The following QPCT variants were observed in gnomAD, a reference collection of about 807,000 sequenced individuals.
The protein encoded by QPCT is glutaminyl-peptide cyclotransferase.
A neutral mutation model predicts 43.4 loss-of-function variants in QPCT; 44 were observed. The ratio of observed to expected loss-of-function variants is 1.01; its 90% CI spans 0.80 to 1.30. The LOEUF (loss-of-function observed/expected upper bound fraction) is 1.30, where lower values mean the gene tolerates loss of function less well. QPCT is among the 50% of genes most tolerant of loss of function. The pLI, the probability that QPCT is intolerant of heterozygous loss-of-function variation, is 0.00. For synonymous variants in QPCT, 168 were observed against 168.4 expected, an observed-to-expected ratio of 1.00 and a Z score of 0.02; for missense variants, 526 against 436.5, an observed-to-expected ratio of 1.21 and a Z score of -1.83.
intron 5 of QPCT, among the ~76,000 whole-genome samples, chr2:37,370,715 T>C (rs1673055255): frequency 6.6e-6 from 1 of 152,128 alleles, no homozygotes; most frequent in South Asian, 2.1e-4. Context: ...CCAGGTCAGG[T>C]CAGGCCAGCC....
At chr2:37,360,026 A>C in intron 3 of QPCT, 168 bp downstream of exon 3, 1 of 740,568 alleles carries the variant, frequency 1.4e-6, no homozygotes, top group African/African-American at 1.8e-5. Flanking sequence ...AATATCAACC[A>C]TGGGCAATAA....
chr2:37,372,002 T>C (rs1271613248), intron 5 of QPCT, among the ~76,000 whole-genome samples: 1 of 152,074 alleles, frequency 6.6e-6, no homozygotes, highest in Non-Finnish European at 1.5e-5. Flanking sequence ...ATGCAGCATC[T>C]TGGACCTATA....
Position 37,367,249 on chromosome 2 carries a change from G to A in QPCT, c.564G>A (p.Lys188=). 1 of 1,613,656 alleles carries A rather than the reference G, an allele frequency of 6.2e-7. No individual in the cohort carries two copies. Among genetic ancestry groups the A allele is most frequent in the Non-Finnish European group, 8.5e-7 (1 of 1,179,790 alleles). The change falls in exon 4 of 7, where the codon AAG becomes AAA. Residue 188 remains lysine (K), a synonymous_variant. Coordinates refer to ENST00000338415, the MANE Select transcript of QPCT (RefSeq NM_012413.4). The stretch of plus-strand genomic sequence containing the variant: ...TTTACCAGACTGTTTCAGACTCCAA[G>A]CCAGATTTGTCACTCCAGCTGATCT... ...LLSLKTVSDS[K]PDLSLQLIFF...
chr2:37,360,946 A>C (rs1327477193), intron 3 of QPCT, among the ~76,000 whole-genome samples: 3 of 152,176 alleles, frequency 2.0e-5, no homozygotes, highest in Non-Finnish European at 4.4e-5. Context: ...ACTTGAAGAC[A>C]TTGTTCTGTG....
intron 3 of QPCT, among the ~76,000 whole-genome samples, chr2:37,365,922 CCAGA>C (rs1672950281): frequency 6.6e-6 from 1 of 152,102 alleles, no homozygotes; most frequent in African/African-American, 2.4e-5. Context: ...TTAAGCAAGG[CCAGA>C]CAGTGTGGTT....
At chr2:37,368,295 C>A in intron 4 of QPCT, 1 of 234,026 alleles carries the variant, frequency 4.3e-6, no homozygotes, top group Admixed American at 5.3e-5. Context: ...TTCCTGGGCC[C>A]ACACTCCATC....
At chr2:37,345,190 C>G (rs1001378957) in intron 1 of QPCT, among the ~76,000 whole-genome samples, 2 of 152,160 alleles carry the variant, frequency 1.3e-5, no homozygotes, top group Non-Finnish European at 2.9e-5. Context: ...GCGGCGCCAC[C>G]CCCCACTCGG....
At chr2:37,368,737 T>C (rs1168770439) in intron 4 of QPCT, 5 of 470,346 alleles carry the variant, frequency 1.1e-5, no homozygotes, top group Non-Finnish European at 2.2e-5. Flanking sequence ...AGACGCCTGG[T>C]TGATCAGCAG....
chr2:37,361,319 G>T (rs1010111902), intron 3 of QPCT, among the ~76,000 whole-genome samples: 1 of 152,138 alleles, frequency 6.6e-6, no homozygotes, highest in Non-Finnish European at 1.5e-5. Context: ...AAGTAGACTG[G>T]ATTATTCGCA....
chr2:37,345,181 C>G (rs1672457034), intron 1 of QPCT, among the ~76,000 whole-genome samples: 2 of 152,150 alleles, frequency 1.3e-5, no homozygotes, highest in South Asian at 4.1e-4. Context: ...GGGCGCATCG[C>G]GGCGCCACCC....
chr2:37,372,175 T>TTCCTGA (rs1673090379), intron 5 of QPCT, among the ~76,000 whole-genome samples, 181 bp from the exon 6 acceptor site: 1 of 152,198 alleles, frequency 6.6e-6, no homozygotes, highest in African/African-American at 2.4e-5. Context: ...CTCCAAAGTG[T>TTCCTGA]ACACATCCCT....
intron 3 of QPCT, among the ~76,000 whole-genome samples, chr2:37,365,094 CACAAG>C (rs1019722536): frequency 6.6e-6 from 1 of 151,176 alleles, no homozygotes; most frequent in Non-Finnish European, 1.5e-5. Flanking sequence ...CACACACACA[CACAAG>C]ACAACACACA....
chr2:37,356,837 C>G (rs1351272539), intron 2 of QPCT, among the ~76,000 whole-genome samples: 2 of 152,004 alleles, frequency 1.3e-5, no homozygotes, highest in Non-Finnish European at 2.9e-5. Context: ...GAAACTTTGT[C>G]TCTACCAAAA....
At chr2:37,349,713 G>A (rs1672579642) in intron 1 of QPCT, among the ~76,000 whole-genome samples, 1 of 152,160 alleles carries the variant, frequency 6.6e-6, no homozygotes, top group African/African-American at 2.4e-5. Context: ...TTCAAAAAGA[G>A]CAAAGCCCAA....
At chr2:37,354,020 A>T (rs1672682249) in intron 2 of QPCT, among the ~76,000 whole-genome samples, 1 of 152,160 alleles carries the variant, frequency 6.6e-6, no homozygotes, top group Non-Finnish European at 1.5e-5. Context: ...GCACGCCACC[A>T]TGCCCGGCTA....
intron 2 of QPCT, among the ~76,000 whole-genome samples, chr2:37,353,429 T>TA (rs573547926): frequency 5.3e-3 from 785 of 149,436 alleles, no homozygotes; most frequent in South Asian, 0.017. Context: ...TGACACAAAG[T>TA]AAAAAAAAAA....
intron 1 of QPCT, among the ~76,000 whole-genome samples, chr2:37,345,061 C>T (rs1173148758): frequency 6.6e-6 from 1 of 152,106 alleles, no homozygotes; most frequent in Non-Finnish European, 1.5e-5. Context: ...GTTCTGGAGA[C>T]GCCAGGGGGG....
At chr2:37,345,381 C>T (rs907103315) in intron 1 of QPCT, among the ~76,000 whole-genome samples, 4 of 152,202 alleles carry the variant, frequency 2.6e-5, no homozygotes, top group African/African-American at 9.7e-5. Flanking sequence ...AGCAACTCGG[C>T]AGGAAGGACC....
At chr2:37,354,730 G>T (rs1672705256) in intron 2 of QPCT, among the ~76,000 whole-genome samples, 1 of 152,088 alleles carries the variant, frequency 6.6e-6, no homozygotes, top group Non-Finnish European at 1.5e-5. Context: ...TTAAAAGAAG[G>T]CCAGGGCATT....
Sources: gnomAD v4.1 joint callset for allele counts (sites outside exome capture counted in the v4.1 genomes callset) on GRCh38, gnomAD v4.1.1 for gene constraint, MANE v1.5 for transcripts, NCBI Gene and HGNC (gene_info 2026-07-23, HGNC 2026-07-21) for gene names.